The following METTL6 variants were observed in gnomAD, a reference collection of about 807,000 sequenced individuals.
The protein encoded by METTL6 is methyltransferase 6, tRNA N3-cytidine, also known as tRNA N(3)-cytidine methyltransferase METTL6.
METTL6 carries 22 observed loss-of-function variants against 26.4 expected under a neutral mutation model. The observed-to-expected ratio is 0.83, with a 90% CI of 0.59 to 1.19. The LOEUF (loss-of-function observed/expected upper bound fraction) is 1.19. Among genes scored for constraint, METTL6 ranks in the 50% most tolerant of loss-of-function variants. METTL6 has a pLI of 0.00. For synonymous variants in METTL6, 109 were observed against 116.2 expected (o/e 0.94, Z 0.40); for missense variants, 304 against 324.8 (o/e 0.94, Z 0.49).
At chr3:15,402,656 C>T (rs1008322241) in intron 6 of METTL6, among the ~76,000 whole-genome samples, 12 of 150,914 alleles carry the variant, frequency 8.0e-5, no homozygotes, top group African/African-American at 2.0e-4. Flanking sequence ...ATCACTTGAA[C>T]CGAGGAGGCG....
intron 2 of METTL6, 54 bp from the exon 3 acceptor site, chr3:15,425,143 T>TA: frequency 6.3e-7 from 1 of 1,592,562 alleles, no homozygotes; most frequent in Non-Finnish European, 8.6e-7. Flanking sequence ...AATGAAGAAA[T>TA]AAACCAAACT....
intron 6 of METTL6, among the ~76,000 whole-genome samples, chr3:15,394,521 A>T (rs1448159040): frequency 2.6e-5 from 4 of 151,596 alleles, no homozygotes; most frequent in South Asian, 2.1e-4. Flanking sequence ...GATCTTAGTT[A>T]TTTCTTGTCT....
downstream of METTL6, among the ~76,000 whole-genome samples, chr3:15,406,567 A>G: frequency 9.2e-6 from 1 of 108,598 alleles, no homozygotes; most frequent in Non-Finnish European, 1.8e-5. Context: ...CCCAGCCATG[A>G]AAAAAAAAAA....
chr3:15,391,012 A>G (rs1373845518), intron 6 of METTL6, among the ~76,000 whole-genome samples: 1 of 152,234 alleles, frequency 6.6e-6, no homozygotes, highest in East Asian at 1.9e-4. Flanking sequence ...TGCGGGAAGA[A>G]GGTGATCTTT....
At chr3:15,416,230 T>C (rs1213632923) in intron 3 of METTL6, among the ~76,000 whole-genome samples, 1 of 152,164 alleles carries the variant, frequency 6.6e-6, no homozygotes, top group Non-Finnish European at 1.5e-5. Context: ...AGAGGGATGA[T>C]GATCCAAAAC....
intron 3 of METTL6, among the ~76,000 whole-genome samples, chr3:15,418,535 A>C (rs1322602338): frequency 6.6e-6 from 1 of 152,192 alleles, no homozygotes; most frequent in East Asian, 1.9e-4. Context: ...ACCCTATAAC[A>C]ACAGCATCTA....
At chr3:15,381,716 A>C (rs1699086447) in exon 7 of METTL6, 1 of 152,166 alleles carries the variant, frequency 6.6e-6, no homozygotes, top group African/African-American at 2.4e-5. Flanking sequence ...AGCAAAATGG[A>C]GTTAGTCACG....
intron 6 of METTL6, among the ~76,000 whole-genome samples, chr3:15,397,110 C>T (rs989629545): frequency 4.6e-5 from 7 of 152,326 alleles, no homozygotes; most frequent in Middle Eastern, 3.4e-3. Flanking sequence ...GGCAGGCCTC[C>T]TTGAGCTGTG....
chr3:15,417,258 C>A (rs1700246281), intron 3 of METTL6, among the ~76,000 whole-genome samples: 1 of 152,106 alleles, frequency 6.6e-6, no homozygotes, highest in South Asian at 2.1e-4. Flanking sequence ...AGTTTGAGAC[C>A]AGCCTGGCCA....
At chr3:15,395,569 T>C (rs1699464241) in intron 6 of METTL6, among the ~76,000 whole-genome samples, 1 of 152,192 alleles carries the variant, frequency 6.6e-6, no homozygotes, top group South Asian at 2.1e-4. Flanking sequence ...TTTTGCTTGT[T>C]AGTTGATGAA....
downstream of METTL6, among the ~76,000 whole-genome samples, chr3:15,407,727 C>T (rs558575055): frequency 1.3e-5 from 2 of 152,278 alleles, no homozygotes; most frequent in South Asian, 2.1e-4. Flanking sequence ...TCTTCATCCA[C>T]TTATTTGACT....
At chr3:15,396,433 G>A (rs183969794) in intron 6 of METTL6, among the ~76,000 whole-genome samples, 14 of 152,206 alleles carry the variant, frequency 9.2e-5, no homozygotes, top group African/African-American at 2.6e-4. Flanking sequence ...CCATGGGTTC[G>A]AACTTCCTCC....
chr3:15,415,775 G>C lies in METTL6; in HGVS notation c.528C>G (p.Tyr176Ter). 6.2e-7 allele frequency: 1 copy of C among 1,613,454 alleles called. No individual in the cohort carries two copies. Among genetic ancestry groups the C allele is most frequent in the East Asian group, 2.2e-5 (1 of 44,884 alleles). ...DKMHLVLQNI[Y>*]KVLKPGKSVL... ...GTGCAGGCCCCAAATCACTAACCTT[G>C]TAAATGTTTTGTAAGACAAGGTGCA... The change falls in exon 4 of 6, where the codon TAC becomes TAG. Residue 176 changes from tyrosine (Y) to a stop codon, truncating the protein, a stop_gained. Coordinates refer to ENST00000383790, the MANE Select transcript of METTL6 (RefSeq NM_152396.4). LOFTEE classifies it high-confidence loss of function.
chr3:15,405,570 CTAAT>C (rs1355190880), downstream of METTL6, among the ~76,000 whole-genome samples: 1 of 152,096 alleles, frequency 6.6e-6, no homozygotes, highest in Admixed American at 6.6e-5. Context: ...CACTATGTAA[CTAAT>C]TAAGATGGGA....
chr3:15,383,836 C>T (rs1366018436), exon 7 of METTL6: 1 of 153,166 alleles, frequency 6.5e-6, no homozygotes, highest in Non-Finnish European at 1.5e-5. Context: ...CATTGAGACT[C>T]CCATAGAGTT....
rs147203662 is a variant in METTL6, at chr3:15,426,227, T to C, written c.225+60A>G. On this transcript the variant is annotated intron_variant, in intron 2 of 5. Transcript: ENST00000383790. ...GTACTGGGATTACAGGCATGAGCCA[T>C]GGCACCCTCTTCACATTTTAAATGA... 501 of 1,531,486 alleles carry C rather than the reference T, an allele frequency of 3.3e-4. 8 individuals carry two copies. The East Asian group carries it at 9.1e-3, about 28-fold the overall frequency. 94.9% of individuals were successfully genotyped at this position (1,531,486 alleles called of 1,614,324 possible).
At chr3:15,408,013 G>A (rs1699847053), downstream of METTL6, among the ~76,000 whole-genome samples, 2 of 152,172 alleles carry the variant, frequency 1.3e-5, no homozygotes, top group Admixed American at 1.3e-4. Flanking sequence ...CTGTAATGCA[G>A]TTTGTGTGGA....
Position 15,426,616 on chromosome 3 carries a change from G to C in METTL6, c.-105C>G. ...ATACATTTCCTGAGGTGAGTTTCAC[G>C]CCTCAAACAGCACAGGGGGCTTCGC... On this transcript the variant is annotated 5_prime_UTR_variant, in exon 2 of 6. Coordinates refer to ENST00000383790, the MANE Select transcript of METTL6 (RefSeq NM_152396.4). 2 of 1,004,984 alleles carry C rather than the reference G, an allele frequency of 2.0e-6. No individual in the cohort carries two copies. Among genetic ancestry groups the C allele is most frequent in the Non-Finnish European group, 3.0e-6 (2 of 669,452 alleles). 62.3% of individuals were successfully genotyped at this position (1,004,984 alleles called of 1,614,324 possible). A position where few individuals can be genotyped will look rare whatever the true frequency, so the allele number is the denominator to read the frequency against.
chr3:15,416,446 G>A (rs1700210081), intron 3 of METTL6, among the ~76,000 whole-genome samples: 1 of 152,082 alleles, frequency 6.6e-6, no homozygotes, highest in South Asian at 2.1e-4. Flanking sequence ...GTAAAGATGG[G>A]ATCTTGCTAT....
Sources: allele counts gnomAD v4.1 joint callset (sites outside exome capture counted in the v4.1 genomes callset), GRCh38; gene constraint gnomAD v4.1.1; transcripts MANE v1.5; gene names NCBI Gene and HGNC (gene_info 2026-07-23, HGNC 2026-07-21).